The following SORCS1 variants were observed in gnomAD, a reference collection of about 807,000 sequenced individuals.
The protein encoded by SORCS1 is VPS10 domain-containing receptor SorCS1.
A neutral mutation model predicts 146.1 loss-of-function variants in SORCS1; 60 were observed. The observed-to-expected ratio is 0.41, with a 90% CI of 0.33 to 0.51. The LOEUF (loss-of-function observed/expected upper bound fraction) is 0.51, where lower values mean the gene tolerates loss of function less well. Among genes scored for constraint, SORCS1 ranks in the 20% least tolerant of loss-of-function variants. SORCS1 has a pLI of 0.21. For synonymous variants in SORCS1, 637 were observed against 584.0 expected, an observed-to-expected ratio of 1.09 and a Z score of -1.31; for missense variants, 1,352 against 1,487.6, an observed-to-expected ratio of 0.91 and a Z score of 1.50.
intron 2 of SORCS1, among the ~76,000 whole-genome samples, chr10:106,833,562 C>T (rs11193069): frequency 0.07 from 10,595 of 152,162 alleles, 627 homozygotes; most frequent in East Asian, 0.29. Context: ...AGGCTTATCA[C>T]CTATGGTCTC....
rs148941176 is a variant in SORCS1 at position 107,034,654 on chromosome 10, T to C, written c.559-78074A>G. On this transcript the variant is annotated intron_variant, in intron 1 of 25. Transcript: ENST00000263054. Reference sequence around the variant, plus strand: ...GAGATCCCACCATTGCACTCCAGCCTGGGAAACATGAGCGAAACTCCATCT... The same window carrying C: ...GAGATCCCACCATTGCACTCCAGCCCGGGAAACATGAGCGAAACTCCATCT... 9.9e-3 allele frequency among the ~76,000 whole-genome samples: 959 copies of C among 96,842 alleles called. 8 individuals carry two copies. The highest frequency in any genetic ancestry group is 0.033 in the African/African-American group (865 of 26,430). The allele number at this position is 96,842 out of a possible 152,430, so 63.5% of individuals were successfully genotyped here. A position where few individuals can be genotyped will look rare whatever the true frequency, so the allele number is the denominator to read the frequency against.
intron 1 of SORCS1, among the ~76,000 whole-genome samples, chr10:107,044,712 A>T (rs966352380): frequency 4.0e-5 from 6 of 149,346 alleles, no homozygotes; most frequent in Non-Finnish European, 1.5e-5. Flanking sequence ...AGTCCCAGCT[A>T]CTCTGGAGGC....
chr10:106,762,651 C>A (rs1161464355), intron 4 of SORCS1, among the ~76,000 whole-genome samples: 2 of 152,002 alleles, frequency 1.3e-5, no homozygotes, highest in Non-Finnish European at 2.9e-5. Flanking sequence ...CCCACCTCGG[C>A]CTCCCAAAGC....
intron 9 of SORCS1, among the ~76,000 whole-genome samples, chr10:106,690,057 T>G (rs1853181190): frequency 6.6e-6 from 1 of 152,228 alleles, no homozygotes; most frequent in Admixed American, 6.5e-5. Context: ...ACCAACTTCT[T>G]GTGCATTGTC....
intron 4 of SORCS1, among the ~76,000 whole-genome samples, chr10:106,775,024 T>C (rs1046628838): frequency 1.3e-5 from 2 of 152,216 alleles, no homozygotes; most frequent in African/African-American, 4.8e-5. Context: ...TAACTGGTCT[T>C]GTATCATCCA....
the SORCS1 span, among the ~76,000 whole-genome samples, chr10:107,174,724 T>G: frequency 6.6e-6 from 1 of 152,182 alleles, no homozygotes; most frequent in Admixed American, 6.5e-5. Flanking sequence ...GATATGTGCA[T>G]ATTAAAATTC....
chr10:107,172,582 G>T, the SORCS1 span, among the ~76,000 whole-genome samples: 16 of 152,256 alleles, frequency 1.1e-4, no homozygotes, highest in Middle Eastern at 3.4e-3. Context: ...ACTCCTGTAG[G>T]TTAGGGGATG....
At chr10:107,155,536 C>A (rs1015050984) in intron 1 of SORCS1, among the ~76,000 whole-genome samples, 4 of 152,142 alleles carry the variant, frequency 2.6e-5, no homozygotes, top group African/African-American at 4.8e-5. Context: ...CAAGTCAGGG[C>A]GAGCAGGGCT....
intron 1 of SORCS1, among the ~76,000 whole-genome samples, chr10:107,020,352 C>T (rs1958076719): frequency 6.6e-6 from 1 of 152,042 alleles, no homozygotes; most frequent in African/African-American, 2.4e-5. Context: ...AATCTGATAC[C>T]CAAAAGTGTT....
chr10:107,035,271 A>AAC (rs1315081947), intron 1 of SORCS1, among the ~76,000 whole-genome samples: 1 of 142,402 alleles, frequency 7.0e-6, no homozygotes, highest in East Asian at 2.0e-4. Flanking sequence ...TCAAAAAAAA[A>AAC]AAAACAACAA....
chr10:106,684,388 G>A (rs140438425), intron 10 of SORCS1, among the ~76,000 whole-genome samples: 181 of 152,196 alleles, frequency 1.2e-3, no homozygotes, highest in Middle Eastern at 3.4e-3. Flanking sequence ...CAAAGTCAGC[G>A]CCTCTTTCCA....
At chr10:106,813,128 CTTTTTTTTTTTTT>C (rs71025557) in intron 3 of SORCS1, among the ~76,000 whole-genome samples, 24 of 98,722 alleles carry the variant, frequency 2.4e-4, no homozygotes, top group African/African-American at 8.6e-4. Flanking sequence ...CTTCTCTTTT[CTTTTTTTTTTTTT>C]TTTTTTTTTG....
At chr10:107,027,819 A>G (rs1383726674) in intron 1 of SORCS1, among the ~76,000 whole-genome samples, 2 of 152,124 alleles carry the variant, frequency 1.3e-5, no homozygotes, top group African/African-American at 4.8e-5. Flanking sequence ...ATCTCTGTGG[A>G]TTTCTGTCAA....
At chr10:107,154,008 C>CTTTTT (rs71025579) in intron 1 of SORCS1, among the ~76,000 whole-genome samples, 2,664 of 93,798 alleles carry the variant, frequency 0.028, 1 homozygote, top group East Asian at 0.039. Context: ...CTTTTCTTTT[C>CTTTTT]TTTTTTTTTT....
chr10:106,798,980 T>C (rs1461564633), intron 3 of SORCS1, among the ~76,000 whole-genome samples: 3 of 152,116 alleles, frequency 2.0e-5, no homozygotes, highest in Admixed American at 1.3e-4. Context: ...CTTCAAACTA[T>C]ACTACAAAGC....
At chr10:106,983,027 A>T (rs190340072) in intron 1 of SORCS1, among the ~76,000 whole-genome samples, 1 of 151,720 alleles carries the variant, frequency 6.6e-6, no homozygotes, top group Non-Finnish European at 1.5e-5. Flanking sequence ...TGCTTAAAAA[A>T]AAAGACATGC....
intron 17 of SORCS1, among the ~76,000 whole-genome samples, chr10:106,665,386 CTCTTT>C (rs1851050850): frequency 6.7e-6 from 1 of 148,202 alleles, no homozygotes; most frequent in Admixed American, 6.7e-5. Context: ...TTTTCTCTCT[CTCTTT>C]TTTTTTTTTT....
chr10:106,717,836 G>C (rs1855487034), intron 6 of SORCS1, among the ~76,000 whole-genome samples: 1 of 152,178 alleles, frequency 6.6e-6, no homozygotes. Flanking sequence ...AGTGCTATGG[G>C]CTTGCCGGTG....
the SORCS1 span, among the ~76,000 whole-genome samples, chr10:107,179,461 A>AT: frequency 6.6e-6 from 1 of 152,212 alleles, no homozygotes; most frequent in Non-Finnish European, 1.5e-5. Flanking sequence ...AGAATGTTAT[A>AT]TAAAAAATGT....
Sources: gnomAD v4.1 joint callset for allele counts (sites outside exome capture counted in the v4.1 genomes callset) on GRCh38, gnomAD v4.1.1 for gene constraint, MANE v1.5 for transcripts, NCBI Gene and HGNC (gene_info 2026-07-23, HGNC 2026-07-21) for gene names.